FMN1: variants seen among roughly 807,000 people sequenced by gnomAD.
FMN1 encodes the protein formin 1, also known as formin-1.
In FMN1, 110 loss-of-function variants were observed where a neutral mutation model predicts 132.4. The ratio of observed to expected loss-of-function variants is 0.83; its 90% confidence interval spans 0.71 to 0.97. The LOEUF is 0.97. FMN1 is among the 50% of genes least tolerant of loss of function. The pLI is 0.00. For synonymous variants in FMN1, 722 were observed against 651.7 expected, an observed-to-expected ratio of 1.11 and a Z score of -1.64; for missense variants, 1,792 against 1,705.3, an observed-to-expected ratio of 1.05 and a Z score of -0.90.
chr15:33,116,946 T>C lies in FMN1; in HGVS notation c.1868-27972A>G, dbSNP rs1375617527. 3.9e-5 allele frequency among the ~76,000 whole-genome samples: 6 copies of C among 152,146 alleles called. No individual in the cohort carries two copies. The South Asian group carries it at 8.3e-4, about 21-fold the overall frequency. On this transcript the variant is annotated intron_variant, in intron 4 of 20. Coordinates refer to ENST00000616417, the MANE Select transcript of FMN1 (RefSeq NM_001277313.2). ...TACAGCACTCAATAAATGCTTATTA[T>C]TACTATTGTTTCCACCAATACAACA...
At chr15:33,125,127 G>A (rs951609953) in intron 4 of FMN1, among the ~76,000 whole-genome samples, 5 of 152,080 alleles carry the variant, frequency 3.3e-5, no homozygotes, top group African/African-American at 1.2e-4. Context: ...TACATCTAGG[G>A]AGGCCAAATG....
At position 33,008,054 on chromosome 15, in the gene FMN1, T is replaced by C; in HGVS notation, c.2183A>G (p.His728Arg). ...TEAEYQAAIL[H>R]LKREHKEEIE... ...TTCTTCTTTGTGCTCCCTCTTCAAG[T>C]GTAAAATAGCAGCTTGGTATTCTGT... Residue 728 changes from histidine to arginine, a missense_variant, in exon 7 of 21, where the codon CAC (histidine) becomes CGC (arginine). By Grantham distance (29) the His-to-Arg change is conservative (BLOSUM62 0). Around this residue, in one of 3 missense-constraint regions of FMN1, gnomAD observed 1,150 missense variants for 1,043.1 expected, o/e 1.10. Transcript: ENST00000616417. The C allele has an allele frequency of 6.3e-7, 1 of 1,599,732 alleles. No homozygotes were observed. Among genetic ancestry groups the C allele is most frequent in the Non-Finnish European group, 8.5e-7 (1 of 1,172,206 alleles).
chr15:32,833,692 G>A (rs1218888927), intron 17 of FMN1, among the ~76,000 whole-genome samples: 1 of 152,124 alleles, frequency 6.6e-6, no homozygotes, highest in East Asian at 1.9e-4. Flanking sequence ...GGTCTCCATT[G>A]AAAATACCAC....
chr15:32,963,990 A>G, intron 9 of FMN1, 117 bp downstream of exon 9: 1 of 538,230 alleles, frequency 1.9e-6, no homozygotes, highest in South Asian at 4.1e-5. Flanking sequence ...ATATATGTAT[A>G]GGTATGTGTG....
At chr15:32,838,981 C>A (rs535745793) in intron 17 of FMN1, among the ~76,000 whole-genome samples, 2 of 152,224 alleles carry the variant, frequency 1.3e-5, no homozygotes, top group East Asian at 3.9e-4. Flanking sequence ...CCTGACACAG[C>A]CACTAATTGC....
At chr15:33,072,841 T>C (rs944845314) in intron 5 of FMN1, among the ~76,000 whole-genome samples, 2 of 150,896 alleles carry the variant, frequency 1.3e-5, no homozygotes, top group East Asian at 3.9e-4. Flanking sequence ...GAGAATCACT[T>C]GAACCCATGA....
chr15:33,095,070 G>A (rs965776983), intron 4 of FMN1, among the ~76,000 whole-genome samples: 1 of 152,158 alleles, frequency 6.6e-6, no homozygotes, highest in African/African-American at 2.4e-5. Flanking sequence ...GAATATGACC[G>A]GGTGCAGTGG....
chr15:32,963,104 C>T (rs1452792092), intron 9 of FMN1, among the ~76,000 whole-genome samples: 2 of 149,204 alleles, frequency 1.3e-5, no homozygotes, highest in East Asian at 3.9e-4. Flanking sequence ...AAATGCCCAA[C>T]AATGATAGAC....
intron 17 of FMN1, among the ~76,000 whole-genome samples, chr15:32,840,147 G>C (rs1455526034): frequency 1.3e-5 from 2 of 152,178 alleles, no homozygotes; most frequent in Non-Finnish European, 2.9e-5. Flanking sequence ...TCCCAGTCTA[G>C]GGTGCTGCTC....
chr15:33,073,324 T>C (rs566372220), intron 5 of FMN1, among the ~76,000 whole-genome samples: 5 of 152,324 alleles, frequency 3.3e-5, no homozygotes, highest in African/African-American at 1.2e-4. Flanking sequence ...TGCTTCTAGC[T>C]TCCCAAAGTA....
intron 6 of FMN1, among the ~76,000 whole-genome samples, chr15:33,053,609 C>T (rs1163831775): frequency 6.6e-6 from 1 of 152,192 alleles, no homozygotes; most frequent in Non-Finnish European, 1.5e-5. Flanking sequence ...TGGCTACAAA[C>T]TTCGGTGTTC....
At chr15:32,825,757 C>G (rs2058348358) in intron 17 of FMN1, among the ~76,000 whole-genome samples, 1 of 152,208 alleles carries the variant, frequency 6.6e-6, no homozygotes, top group South Asian at 2.1e-4. Flanking sequence ...TTGCCATTCC[C>G]CTATTATACA....
chr15:33,078,939 T>G (rs2038337921), intron 5 of FMN1, among the ~76,000 whole-genome samples: 1 of 152,156 alleles, frequency 6.6e-6, no homozygotes, highest in Non-Finnish European at 1.5e-5. Context: ...ACCTTAAGCT[T>G]TTGAGACAGA....
In FMN1 at chr15:33,018,925, G is replaced by A. The variant is rs755515852; in HGVS notation, c.2162-10850C>T. Among the ~76,000 whole-genome samples the A allele has an allele frequency of 4.3e-4, 65 of 152,198 alleles. 1 individual carries two copies. Among genetic ancestry groups the A allele is most frequent in the Admixed American group, 1.2e-3 (18 of 15,276 alleles). On this transcript the variant is annotated intron_variant, in intron 6 of 20. Transcript: ENST00000616417. The stretch of plus-strand genomic sequence containing the variant: ...TCACTGGCTCAGGAGTGAAGCTGCA[G>A]ACCTTCCTGGTGAGTGTTACAGCTC...
At chr15:33,080,604 T>C (rs2141321066) in intron 5 of FMN1, among the ~76,000 whole-genome samples, 1 of 152,216 alleles carries the variant, frequency 6.6e-6, no homozygotes, top group South Asian at 2.1e-4. Context: ...ATACAAAAAT[T>C]AGCCGGGCAT....
intron 4 of FMN1, among the ~76,000 whole-genome samples, chr15:33,128,865 G>T (rs577602931): frequency 6.6e-6 from 1 of 152,178 alleles, no homozygotes; most frequent in Non-Finnish European, 1.5e-5. Context: ...GACTGCAGAG[G>T]CCTGCGTGCG....
intron 9 of FMN1, among the ~76,000 whole-genome samples, chr15:32,957,397 C>G (rs79170730): frequency 0.092 from 13,290 of 144,128 alleles, 778 homozygotes; most frequent in Admixed American, 0.16. Flanking sequence ...GCTGACCTAC[C>G]TTGCTCAGGA....
At chr15:32,951,626 C>G (rs984771025) in intron 9 of FMN1, among the ~76,000 whole-genome samples, 18 of 152,292 alleles carry the variant, frequency 1.2e-4, no homozygotes, top group African/African-American at 3.4e-4. Context: ...CTCATGGTGG[C>G]AATGATGGTG....
At chr15:33,151,324 G>A (rs1395063414) in intron 4 of FMN1, 2 of 1,536,480 alleles carry the variant, frequency 1.3e-6, no homozygotes, top group Non-Finnish European at 8.7e-7. Flanking sequence ...CACAGGAGAT[G>A]CTTACAGTTC....
Sources: allele counts gnomAD v4.1 joint callset (sites outside exome capture counted in the v4.1 genomes callset), GRCh38; gene constraint gnomAD v4.1.1; regional missense constraint gnomAD v4.1.1; transcripts MANE v1.5; gene names NCBI Gene and HGNC (gene_info 2026-07-23, HGNC 2026-07-21).